DEFB126: variants seen among roughly 807,000 people sequenced by gnomAD.
DEFB126 encodes beta-defensin 126.
In DEFB126, 2 loss-of-function variants were observed where a neutral mutation model predicts 2.5. The observed-to-expected ratio is 0.79, with a 90% confidence interval of 0.32 to 2.49. DEFB126 has a LOEUF of 2.49. Ranked by LOEUF, DEFB126 falls within the 30% of genes most tolerant of loss-of-function variation. The probability of loss-of-function intolerance (pLI) is 0.11; values close to 1 mark genes in which losing one functional copy is unlikely to be tolerated. For synonymous variants in DEFB126, 51 were observed against 45.4 expected (o/e 1.12, Z -0.50); for missense variants, 136 against 135.4 (o/e 1.00, Z -0.02).
At chr20:145,244 T>A (rs956975418) in intron 1 of DEFB126, among the ~76,000 whole-genome samples, 171 bp from the exon 2 acceptor site, 6 of 152,204 alleles carry the variant, frequency 3.9e-5, no homozygotes, top group Non-Finnish European at 7.3e-5. Context: ...GAATTCTATG[T>A]GTGTTTATAA....
rs11467417 is a variant in DEFB126 at position 145,669 on chromosome 20, AC to A, written c.318del (p.Val107PhefsTer15). On this transcript the variant is annotated frameshift_variant, in exon 2 of 2. Coordinates refer to ENST00000382398, the MANE Select transcript of DEFB126 (RefSeq NM_030931.4). LOFTEE classifies it high-confidence loss of function. Reference protein sequence around the residue: ...TTASMSSMAPTPVSPTG With the variant: ...TTASMSSMAPXPVSPTG Reference sequence around the variant, plus strand: ...TGCTTCGATGTCTTCGATGGCTCCTACCCCCGTTTCTCCCACTGGTTGAACA... The same window carrying A: ...TGCTTCGATGTCTTCGATGGCTCCTACCCCGTTTCTCCCACTGGTTGAACA... 1.9e-6 allele frequency: 3 copies of A among 1,611,344 alleles called. No homozygotes were observed. The highest frequency in any genetic ancestry group is 2.5e-6 in the Non-Finnish European group (3 of 1,179,344).
Position 142,646 on chromosome 20 carries a change from C to T in DEFB126, c.18C>T (p.Phe6=). 1 of 1,613,834 alleles carries T rather than the reference C, an allele frequency of 6.2e-7. No individual in the cohort carries two copies. The highest frequency in any genetic ancestry group is 8.5e-7 in the Non-Finnish European group (1 of 1,179,760). Residue 6 remains phenylalanine (F), a synonymous_variant, in exon 1 of 2, where the codon TTC becomes TTT. Transcript: ENST00000382398. MKSLL[F]TLAVFMLLAQ... ...GCCTCCTGATGAAGTCCCTACTGTT[C>T]ACCCTTGCAGTTTTTATGCTCCTGG...
chr20:143,287 A>G (rs190568219), intron 1 of DEFB126, among the ~76,000 whole-genome samples: 1 of 152,318 alleles, frequency 6.6e-6, no homozygotes, highest in East Asian at 1.9e-4. Flanking sequence ...TGTAGCTTAT[A>G]TTTACAAAAC....
rs2054663827 is a variant in DEFB126 at position 145,526 on chromosome 20, A to G, written c.170A>G (p.Asp57Gly). 1 of 1,613,868 alleles carries G rather than the reference A, an allele frequency of 6.2e-7. No individual in the cohort carries two copies. Among genetic ancestry groups the G allele is most frequent in the South Asian group, 1.1e-5 (1 of 91,068 alleles). The change falls in exon 2 of 2, where the codon GAC (aspartate) becomes GGC (glycine). Residue 57 changes from aspartate to glycine, a missense_variant. Transcript: ENST00000382398. Reference protein sequence around the residue: ...NGWAMCGKQRDCCVPADRRAN... With the variant: ...NGWAMCGKQRGCCVPADRRAN... ...TGGGCAATGTGCGGCAAACAAAGGG[A>G]CTGCTGTGTTCCAGCTGACAGACGT...
In DEFB126 at chr20:145,461, G is replaced by A; in HGVS notation, c.105G>A (p.Lys35=). Residue 35 remains lysine, a synonymous_variant, in exon 2 of 2, where the codon AAG becomes AAA. Transcript: ENST00000382398. ...GTCTAAACGACGTTGGAATTTGCAA[G>A]AAGAAGTGCAAACCTGAAGAGATGC... ...KKCLNDVGIC[K]KKCKPEEMHV... is the part of the protein sequence containing the mutation. 1 of 1,613,886 alleles carries A rather than the reference G, an allele frequency of 6.2e-7. No homozygotes were observed. The highest frequency in any genetic ancestry group is 1.3e-5 in the African/African-American group (1 of 75,034).
intron 1 of DEFB126, among the ~76,000 whole-genome samples, chr20:143,256 T>C (rs977691704): frequency 1.1e-4 from 17 of 152,202 alleles, no homozygotes; most frequent in African/African-American, 3.9e-4. Flanking sequence ...TGTGTAAGCA[T>C]TTCTTATTTT....
At chr20:145,361 ATCCTCCTGTGATAAATAC>A in intron 1 of DEFB126, 36 bp from the exon 2 acceptor site, 2 of 1,531,942 alleles carry the variant, frequency 1.3e-6, no homozygotes, top group Non-Finnish European at 1.8e-6. Flanking sequence ...GCTATTTTTT[ATCCTCCTGTGATAAATAC>A]TTAGGCTTAA....
chr20:143,592 A>G (rs1332231982), intron 1 of DEFB126, among the ~76,000 whole-genome samples: 1 of 152,136 alleles, frequency 6.6e-6, no homozygotes, highest in East Asian at 1.9e-4. Context: ...ACATTGTACA[A>G]CCTTATTAAT....
At chr20:142,739 C>T in intron 1 of DEFB126, 53 bp downstream of exon 1, 1 of 1,573,108 alleles carries the variant, frequency 6.4e-7, no homozygotes, top group Non-Finnish European at 8.7e-7. Context: ...GGGTCCTGCA[C>T]ATGGAGTCCC....
At chr20:142,815 T>A (rs1049259869) in intron 1 of DEFB126, 129 bp downstream of exon 1, 1 of 961,844 alleles carries the variant, frequency 1.0e-6, no homozygotes, top group South Asian at 1.4e-5. Context: ...AGATTTGTCC[T>A]ACTTCTTCAG....
intron 1 of DEFB126, among the ~76,000 whole-genome samples, chr20:145,200 G>A (rs2054662328): frequency 1.3e-5 from 2 of 152,014 alleles, no homozygotes; most frequent in African/African-American, 4.8e-5. Context: ...ACAGAATTCT[G>A]ATTTCAGAAA....
rs745824481 is a variant in DEFB126 at position 145,463 on chromosome 20, A to G, written c.107A>G (p.Lys36Arg). 3.1e-6 allele frequency: 5 copies of G among 1,614,036 alleles called. No homozygotes were observed. The South Asian group carries it at 3.3e-5, about 11-fold the overall frequency. Reference sequence around the variant, plus strand: ...CTAAACGACGTTGGAATTTGCAAGAAGAAGTGCAAACCTGAAGAGATGCAT... The same window carrying G: ...CTAAACGACGTTGGAATTTGCAAGAGGAAGTGCAAACCTGAAGAGATGCAT... ...KCLNDVGICKKKCKPEEMHVK... is the reference protein window; with the variant it reads ...KCLNDVGICKRKCKPEEMHVK... Residue 36 changes from lysine to arginine, a missense_variant, in exon 2 of 2, where the codon AAG (lysine) becomes AGG (arginine). Coordinates refer to ENST00000382398, the MANE Select transcript of DEFB126 (RefSeq NM_030931.4).
At position 142,633 on chromosome 20, in the gene DEFB126, A is replaced by C; in HGVS notation, c.5A>C (p.Lys2Thr). The change falls in exon 1 of 2, where the codon AAG (lysine) becomes ACG (threonine). Residue 2 changes from lysine to threonine, a missense_variant. Lys to Thr is a moderately conservative substitution (Grantham distance 78). Transcript: ENST00000382398. MKSLLFTLAVFM... is the reference protein window; with the variant it reads MTSLLFTLAVFM... ...TATAGAACCCACTGCCTCCTGATGA[A>C]GTCCCTACTGTTCACCCTTGCAGTT... 1 of 1,613,844 alleles carries C rather than the reference A, an allele frequency of 6.2e-7. No homozygotes were observed. The highest frequency in any genetic ancestry group is 1.3e-5 in the African/African-American group (1 of 75,024).
At chr20:143,790 A>T (rs138757704) in intron 1 of DEFB126, among the ~76,000 whole-genome samples, 237 of 152,250 alleles carry the variant, frequency 1.6e-3, no homozygotes, top group Middle Eastern at 3.4e-3. Context: ...TGCTTCTAAA[A>T]TGCATTATTT....
intron 1 of DEFB126, 29 bp downstream of exon 1, chr20:142,715 A>C: frequency 6.2e-7 from 1 of 1,610,802 alleles, no homozygotes. Context: ...AAGAAGAAAC[A>C]CTGGCCTGGA....
chr20:143,802 T>C (rs2054657254), intron 1 of DEFB126, among the ~76,000 whole-genome samples: 1 of 152,164 alleles, frequency 6.6e-6, no homozygotes, highest in Non-Finnish European at 1.5e-5. Context: ...GCATTATTTA[T>C]TTGAGACACA....
Position 142,674 on chromosome 20 carries a change from C to T in DEFB126, c.46C>T (p.Gln16Ter). ...CCTTGCAGTTTTTATGCTCCTGGCC[C>T]AATTGGTCTCAGGTAAACAGAATCT... The part of the protein sequence containing the change: ...FTLAVFMLLA[Q>*]LVSGNWYVKK... Residue 16 changes from glutamine (Q) to a stop codon, truncating the protein, a stop_gained, in exon 1 of 2, where the codon CAA becomes TAA. Transcript: ENST00000382398. LOFTEE classifies it low-confidence loss of function (END_TRUNC). The T allele has an allele frequency of 1.9e-6, 3 of 1,613,742 alleles. No individual in the cohort carries two copies. The highest frequency in any genetic ancestry group is 2.5e-6 in the Non-Finnish European group (3 of 1,179,702).
At chr20:144,341 A>T (rs1262430021) in intron 1 of DEFB126, among the ~76,000 whole-genome samples, 1 of 152,146 alleles carries the variant, frequency 6.6e-6, no homozygotes, top group Non-Finnish European at 1.5e-5. Context: ...CTGATAAGGG[A>T]TAATAGTAGT....
In DEFB126 at chr20:145,511, G is replaced by A. The variant is rs1167703472; in HGVS notation, c.155G>A (p.Cys52Tyr). 6.2e-7 allele frequency: 1 copy of A among 1,607,520 alleles called. No individual in the cohort carries two copies. ...EMHVKNGWAM[C>Y]GKQRDCCVPA... ...CATGTAAAGAATGGTTGGGCAATGT[G>A]CGGCAAACAAAGGGACTGCTGTGTT... The change falls in exon 2 of 2, where the codon TGC (cysteine) becomes TAC (tyrosine). Residue 52 changes from cysteine (C) to tyrosine (Y), a missense_variant. Coordinates refer to ENST00000382398, the MANE Select transcript of DEFB126 (RefSeq NM_030931.4).
Sources: gnomAD v4.1 joint callset for allele counts (sites outside exome capture counted in the v4.1 genomes callset) on GRCh38, gnomAD v4.1.1 for gene constraint, MANE v1.5 for transcripts, NCBI Gene and HGNC (gene_info 2026-07-23, HGNC 2026-07-21) for gene names.